Variants in RANBP17 observed in about 807,000 individuals in gnomAD.
RANBP17 encodes ran-binding protein 17.
RANBP17 carries 158 observed loss-of-function variants against 141.2 expected under a neutral mutation model. The ratio of observed to expected loss-of-function variants is 1.12; its 90% CI spans 0.98 to 1.28. The LOEUF is 1.28. RANBP17 is among the 50% of genes most tolerant of loss of function. RANBP17 has a pLI of 0.00. For synonymous variants in RANBP17, 430 were observed against 450.0 expected (o/e 0.96, Z 0.56); for missense variants, 1,438 against 1,290.7 (o/e 1.11, Z -1.75).
chr5:171,256,136 C>CT (rs1765876042), intron 24 of RANBP17, among the ~76,000 whole-genome samples: 1 of 152,116 alleles, frequency 6.6e-6, no homozygotes, highest in African/African-American at 2.4e-5. Flanking sequence ...TTTAAAAACA[C>CT]TTTTTATCAA....
At chr5:171,212,564 T>C (rs1762966258) in intron 20 of RANBP17, among the ~76,000 whole-genome samples, 1 of 152,188 alleles carries the variant, frequency 6.6e-6, no homozygotes, top group African/African-American at 2.4e-5. Flanking sequence ...TTAAAGGACC[T>C]TGAACACCGT....
At chr5:171,157,162 G>A (rs957988603) in intron 14 of RANBP17, among the ~76,000 whole-genome samples, 11 of 152,106 alleles carry the variant, frequency 7.2e-5, no homozygotes, top group Non-Finnish European at 1.6e-4. Flanking sequence ...AAATATCTGG[G>A]TTTTTAGTAA....
intron 12 of RANBP17, among the ~76,000 whole-genome samples, chr5:170,944,548 G>T (rs868357269): frequency 1.3e-5 from 2 of 152,184 alleles, no homozygotes; most frequent in Admixed American, 1.3e-4. Flanking sequence ...TATTACAGGC[G>T]TGAGCCACTG....
At chr5:171,046,589 A>G (rs754746448) in intron 14 of RANBP17, among the ~76,000 whole-genome samples, 1 of 152,098 alleles carries the variant, frequency 6.6e-6, no homozygotes, top group East Asian at 1.9e-4. Context: ...AGATACTTAG[A>G]TATATTTTTT....
chr5:171,115,274 G>A (rs921104316), intron 14 of RANBP17, among the ~76,000 whole-genome samples: 6 of 152,092 alleles, frequency 3.9e-5, no homozygotes, highest in Non-Finnish European at 8.8e-5. Flanking sequence ...TTTGATATGA[G>A]TATAGTATAT....
intron 14 of RANBP17, among the ~76,000 whole-genome samples, chr5:171,124,594 T>C (rs1342011654): frequency 6.6e-6 from 1 of 152,024 alleles, no homozygotes; most frequent in African/African-American, 2.4e-5. Flanking sequence ...AAGTCAAAAA[T>C]GTAAAGATAA....
chr5:170,888,747 G>C (rs75724222), intron 3 of RANBP17, among the ~76,000 whole-genome samples: 2,586 of 152,142 alleles, frequency 0.017, 67 homozygotes, highest in African/African-American at 0.059. Context: ...CAAAGCAGTG[G>C]TGAGAGGGGA....
At chr5:170,962,792 G>A (rs572423294) in intron 13 of RANBP17, among the ~76,000 whole-genome samples, 1 of 152,214 alleles carries the variant, frequency 6.6e-6, no homozygotes, top group East Asian at 1.9e-4. Context: ...AGAATATTTG[G>A]TATGCAAAGG....
At chr5:170,968,071 A>C (rs1341118677) in intron 13 of RANBP17, among the ~76,000 whole-genome samples, 171 bp from the exon 14 acceptor site, 2 of 151,940 alleles carry the variant, frequency 1.3e-5, no homozygotes, top group Non-Finnish European at 2.9e-5. Flanking sequence ...AAGTAGTAAT[A>C]TCTCTCAGTA....
chr5:170,970,566 G>T (rs888893354), intron 14 of RANBP17: 1 of 151,960 alleles, frequency 6.6e-6, no homozygotes, highest in African/African-American at 2.4e-5. Flanking sequence ...ATTATGCCTA[G>T]TGTTCCATTA....
In RANBP17 at chr5:170,908,151, A is replaced by G. The variant is rs10077649; in HGVS notation, c.490-1510A>G. ...GAACTTAAAACAGAACTACTATTCA[A>G]CCCAGCAATCCTATTACTGAGTATA... On this transcript the variant is annotated intron_variant, in intron 5 of 27. Transcript: ENST00000523189. 7.8e-3 allele frequency among the ~76,000 whole-genome samples: 1,179 copies of G among 152,074 alleles called. 14 individuals are homozygous for G. Among genetic ancestry groups the G allele is most frequent in the African/African-American group, 0.023 (945 of 41,522 alleles).
In RANBP17 at chr5:171,171,145, C is replaced by G; in HGVS notation, c.1785-61C>G. On this transcript the variant is annotated intron_variant, in intron 15 of 27. Transcript: ENST00000523189. ...ACTTACATAAATTTATGTGTATTCT[C>G]TGGTTCTCCTTAGACAAGCAAATAT... 4.5e-6 allele frequency: 4 copies of G among 880,532 alleles called. No individual in the cohort carries two copies. The South Asian group carries it at 6.5e-5, about 14-fold the overall frequency. 54.5% of individuals were successfully genotyped at this position (880,532 alleles called of 1,614,324 possible). A position where few individuals can be genotyped will look rare whatever the true frequency, so the allele number is the denominator to read the frequency against.
intron 14 of RANBP17, among the ~76,000 whole-genome samples, chr5:170,990,890 G>A (rs1184895439): frequency 2.0e-5 from 3 of 151,902 alleles, no homozygotes; most frequent in Admixed American, 1.3e-4. Flanking sequence ...ATACAATAGC[G>A]TTAGTTGCTC....
intron 24 of RANBP17, among the ~76,000 whole-genome samples, chr5:171,264,291 G>C (rs568446428): frequency 6.6e-6 from 1 of 152,274 alleles, no homozygotes; most frequent in East Asian, 1.9e-4. Context: ...ACAATGGGTA[G>C]AGTGTACACT....
intron 22 of RANBP17, among the ~76,000 whole-genome samples, chr5:171,228,656 G>A (rs1764021695): frequency 6.6e-6 from 1 of 152,162 alleles, no homozygotes; most frequent in African/African-American, 2.4e-5. Context: ...GAAGTCAATT[G>A]ATGCAGCAGA....
At chr5:170,975,847 AAAAC>A (rs35125652) in intron 14 of RANBP17, among the ~76,000 whole-genome samples, 91,522 of 151,332 alleles carry the variant, frequency 0.6, 29,216 homozygotes, top group South Asian at 0.88. Context: ...AAAAAACAAA[AAAAC>A]AAACAAACAG....
chr5:170,937,212 G>A (rs1257994636), intron 12 of RANBP17, among the ~76,000 whole-genome samples: 1 of 151,176 alleles, frequency 6.6e-6, no homozygotes, highest in Non-Finnish European at 1.5e-5. Flanking sequence ...CTGGTAGTCT[G>A]TATGTAGTCC....
At chr5:171,102,137 C>T (rs1787211288) in intron 14 of RANBP17, among the ~76,000 whole-genome samples, 1 of 152,106 alleles carries the variant, frequency 6.6e-6, no homozygotes, top group South Asian at 2.1e-4. Flanking sequence ...GAACGTTGGC[C>T]TGTCTTGCTA....
intron 14 of RANBP17, among the ~76,000 whole-genome samples, chr5:170,996,945 G>T (rs545413148): frequency 6.6e-6 from 1 of 152,234 alleles, no homozygotes; most frequent in African/African-American, 2.4e-5. Context: ...TAAGAATCCT[G>T]AATGATACGG....
Sources: allele counts gnomAD v4.1 joint callset (sites outside exome capture counted in the v4.1 genomes callset), GRCh38; gene constraint gnomAD v4.1.1; transcripts MANE v1.5; gene names NCBI Gene and HGNC (gene_info 2026-07-23, HGNC 2026-07-21).